The following FGGY variants were observed in gnomAD, a reference collection of about 807,000 sequenced individuals.
FGGY encodes the protein FGGY carbohydrate kinase domain-containing protein.
FGGY carries 72 observed loss-of-function variants against 71.3 expected under a neutral mutation model. The observed-to-expected ratio is 1.01, with a 90% CI of 0.84 to 1.23. The LOEUF (loss-of-function observed/expected upper bound fraction) is 1.23, where lower values mean the gene tolerates loss of function less well. Among genes scored for constraint, FGGY ranks in the 50% most tolerant of loss-of-function variants. The pLI, the probability that FGGY is intolerant of heterozygous loss-of-function variation, is 0.00. For missense variants in FGGY, 668 were observed against 682.3 expected (o/e 0.98, Z 0.23); for synonymous variants, 251 against 250.3 (o/e 1.00, Z -0.02).
chr1:59,678,395 AGTGTTCCATAACACTTCTCTAGG>A (rs1470366352), intron 14 of FGGY, among the ~76,000 whole-genome samples: 1 of 152,212 alleles, frequency 6.6e-6, no homozygotes, highest in East Asian at 1.9e-4. Context: ...AGAAGCTGAG[AGTGTTCCATAACACTTCTCTAGG>A]CTCCCAGGTC....
In FGGY at chr1:59,583,275, A is replaced by T. The variant is rs1383400771; in HGVS notation, c.904-24528A>T. On this transcript the variant is annotated intron_variant, in intron 8 of 15. Transcript: ENST00000303721. ...CATCATCCTGCAAGAAACTGGTAGG[A>T]TGATGGCATTGGGAAGCTATAAGGG... Among the ~76,000 whole-genome samples, 7 of 143,686 alleles carry T rather than the reference A, an allele frequency of 4.9e-5. 2 individuals carry two copies. The highest frequency in any genetic ancestry group is 1.1e-4 in the Non-Finnish European group (7 of 66,556). 94.3% of individuals were successfully genotyped at this position (143,686 alleles called of 152,430 possible).
chr1:59,311,192 T>C (rs572845767), intron 1 of FGGY, among the ~76,000 whole-genome samples: 1 of 152,258 alleles, frequency 6.6e-6, no homozygotes, highest in African/African-American at 2.4e-5. Flanking sequence ...AGCCAAGTCA[T>C]TTCAGGGATG....
intron 8 of FGGY, among the ~76,000 whole-genome samples, chr1:59,592,533 C>G (rs1316687860): frequency 1.3e-5 from 2 of 152,258 alleles, no homozygotes; most frequent in Non-Finnish European, 2.9e-5. Context: ...TTGGAACCAA[C>G]CCAAATGTCC....
chr1:59,474,086 T>G (rs2093138713), intron 6 of FGGY: 1 of 152,222 alleles, frequency 6.6e-6, no homozygotes, highest in African/African-American at 2.4e-5. Context: ...GTTCCAACTG[T>G]GTTCACACTC....
intron 9 of FGGY, among the ~76,000 whole-genome samples, chr1:59,624,126 GTT>G (rs56207015): frequency 4.1e-4 from 62 of 150,548 alleles, no homozygotes; most frequent in Middle Eastern, 3.5e-3. Flanking sequence ...AACTGCATGA[GTT>G]TTTTTTTTTC....
At chr1:59,333,916 A>C (rs1479367022) in intron 2 of FGGY, among the ~76,000 whole-genome samples, 1 of 152,218 alleles carries the variant, frequency 6.6e-6, no homozygotes, top group East Asian at 1.9e-4. Flanking sequence ...CAGATGGGTC[A>C]GCAGCAAGTG....
chr1:59,491,894 G>A lies in FGGY; in HGVS notation c.671-20417G>A, dbSNP rs2093876501. ...TTAAAACTTCAAAATTTTTCTGTAT[G>A]TACTTTCCATCTTGTAAAGTTATAA... is the stretch of plus-strand genomic sequence containing the variant. On this transcript the variant is annotated intron_variant, in intron 6 of 15. Coordinates refer to ENST00000303721, the MANE Select transcript of FGGY (RefSeq NM_018291.5). Among the ~76,000 whole-genome samples, 3 of 152,044 alleles carry A rather than the reference G, an allele frequency of 2.0e-5. 1 individual carries two copies. Among genetic ancestry groups the A allele is most frequent in the Admixed American group, 6.6e-5 (1 of 15,246 alleles).
At chr1:59,738,336 G>A (rs560175688) in intron 14 of FGGY, among the ~76,000 whole-genome samples, 28 of 152,328 alleles carry the variant, frequency 1.8e-4, no homozygotes, top group Non-Finnish European at 3.2e-4. Context: ...CATTCTTCCC[G>A]TATGTAAACT....
intron 14 of FGGY, among the ~76,000 whole-genome samples, chr1:59,738,461 G>T (rs11207510): frequency 0.098 from 14,845 of 152,160 alleles, 804 homozygotes; most frequent in South Asian, 0.18. Context: ...CTCAAAGATG[G>T]GGAAAAAAAC....
intron 14 of FGGY, among the ~76,000 whole-genome samples, chr1:59,751,242 T>TTTGAGGG (rs1361585696): frequency 6.6e-6 from 1 of 150,554 alleles, no homozygotes; most frequent in African/African-American, 2.4e-5. Flanking sequence ...CTAATGTCCT[T>TTTGAGGG]TTGAGGGTTA....
At chr1:59,594,299 T>C (rs2153798552) in intron 8 of FGGY, among the ~76,000 whole-genome samples, 1 of 152,274 alleles carries the variant, frequency 6.6e-6, no homozygotes, top group South Asian at 2.1e-4. Flanking sequence ...CTTAAAAAAA[T>C]AGAGTGCAGA....
intron 14 of FGGY, among the ~76,000 whole-genome samples, chr1:59,722,167 A>AT (rs56317098): frequency 0.65 from 96,349 of 147,670 alleles, 31,453 homozygotes; most frequent in East Asian, 0.76. Context: ...GATTTGTCTA[A>AT]TTTTTTTTTT....
intron 7 of FGGY, among the ~76,000 whole-genome samples, chr1:59,521,538 A>G (rs147118433): frequency 0.01 from 1,530 of 152,262 alleles, 16 homozygotes; most frequent in African/African-American, 0.028. Context: ...CCATGAAACC[A>G]TAATATTTTG....
intron 9 of FGGY, among the ~76,000 whole-genome samples, chr1:59,614,826 A>G (rs924495789): frequency 2.0e-5 from 3 of 152,214 alleles, no homozygotes; most frequent in African/African-American, 7.2e-5. Flanking sequence ...TCAATGTGCA[A>G]AAATCACAAG....
intron 5 of FGGY, among the ~76,000 whole-genome samples, chr1:59,414,559 G>C (rs1014390945): frequency 2.0e-5 from 3 of 152,194 alleles, no homozygotes; most frequent in Non-Finnish European, 2.9e-5. Flanking sequence ...CAGTGTATCA[G>C]CCATGGATCC....
At chr1:59,548,325 A>G (rs916549274) in intron 7 of FGGY, among the ~76,000 whole-genome samples, 13 of 152,224 alleles carry the variant, frequency 8.5e-5, no homozygotes, top group African/African-American at 3.1e-4. Flanking sequence ...GGTCCCAACC[A>G]TATGGAACCC....
chr1:59,592,295 G>T lies in FGGY; in HGVS notation c.904-15508G>T, dbSNP rs547080612. The stretch of plus-strand genomic sequence containing the variant: ...AAAAGTCAGGAAACAACAGGTGCTG[G>T]AGAGGATGTGGAGAAATAGGAACAC... On this transcript the variant is annotated intron_variant, in intron 8 of 15. Coordinates refer to ENST00000303721, the MANE Select transcript of FGGY (RefSeq NM_018291.5). 5.9e-5 allele frequency among the ~76,000 whole-genome samples: 9 copies of T among 152,224 alleles called. 1 individual carries two copies. In the South Asian group the frequency reaches 1.9e-3, roughly 32 times the overall value.
intron 4 of FGGY, among the ~76,000 whole-genome samples, chr1:59,360,193 A>C (rs1005118574): frequency 5.9e-4 from 89 of 151,826 alleles, no homozygotes; most frequent in African/African-American, 2.1e-3. Context: ...GTCCTGGACT[A>C]TCACCAGTCC....
intron 14 of FGGY, among the ~76,000 whole-genome samples, chr1:59,694,911 G>A (rs893141875): frequency 6.6e-6 from 1 of 152,216 alleles, no homozygotes; most frequent in Non-Finnish European, 1.5e-5. Flanking sequence ...GATAGGCATA[G>A]AGAGTATGGT....
Sources: gnomAD v4.1 joint callset for allele counts (sites outside exome capture counted in the v4.1 genomes callset) on GRCh38, gnomAD v4.1.1 for gene constraint, MANE v1.5 for transcripts, NCBI Gene and HGNC (gene_info 2026-07-23, HGNC 2026-07-21) for gene names.